The following TARS3 variants were observed in gnomAD, a reference collection of about 807,000 sequenced individuals.
TARS3 encodes threonine--tRNA ligase 2, cytoplasmic.
Under a neutral mutation model 103.5 loss-of-function variants are expected in TARS3, and 94 were observed. That is an observed-to-expected ratio of 0.91 (90% confidence interval 0.77 to 1.08). The LOEUF is 1.08. Among genes scored for constraint, TARS3 ranks in the 50% least tolerant of loss-of-function variants. TARS3 has a pLI of 0.00. For missense variants in TARS3, 952 were observed against 995.2 expected, an observed-to-expected ratio of 0.96 and a Z score of 0.58; for synonymous variants, 416 against 355.4, an observed-to-expected ratio of 1.17 and a Z score of -1.92.
intron 6 of TARS3, among the ~76,000 whole-genome samples, chr15:101,708,393 T>C (rs1899688137): frequency 6.6e-6 from 1 of 151,886 alleles, no homozygotes; most frequent in Non-Finnish European, 1.5e-5. Flanking sequence ...AAAGAGAAAG[T>C]TACTGTTTTA....
In TARS3 at chr15:101,724,132, C is replaced by T. The variant is rs1414882737; in HGVS notation, c.256G>A (p.Glu86Lys). The T allele has an allele frequency of 7.0e-7, 1 of 1,436,782 alleles. No individual in the cohort carries two copies. Among genetic ancestry groups the T allele is most frequent in the Non-Finnish European group, 9.1e-7 (1 of 1,095,424 alleles). The allele number at this position is 1,436,782 out of a possible 1,614,324, so 89.0% of individuals were successfully genotyped here. ...TGCGCCGCCTCTAGCTCCGCGCTCT[C>T]CAGCGTGGCCTGGCGGCTCCGCTCC... ...AEERSRQATL[E>K]SAELEAAQEA... Residue 86 changes from glutamate (E) to lysine (K), a missense_variant, in exon 1 of 19, where the codon GAG becomes AAG. By Grantham distance (56) the Glu-to-Lys change is moderately conservative (BLOSUM62 1). Around this residue, in one of 2 missense-constraint regions of TARS3, gnomAD observed 412 missense variants for 364.2 expected, o/e 1.13. Transcript: ENST00000335968.
rs115815867 is a variant in TARS3 at position 101,712,080 on chromosome 15, T to C, written c.691-79A>G. On this transcript the variant is annotated intron_variant, in intron 4 of 18. Coordinates refer to ENST00000335968, the MANE Select transcript of TARS3 (RefSeq NM_152334.3). ...TTAGTAGTAAAATGATGTAAACCAG[T>C]AGAAAATTTTAAGGAGATACATGGC... 2,202 of 1,470,974 alleles carry C rather than the reference T, an allele frequency of 1.5e-3. 20 individuals are homozygous for C. In the African/African-American group the frequency reaches 0.024, roughly 16 times the overall value. 91.1% of individuals were successfully genotyped at this position (1,470,974 alleles called of 1,614,324 possible). A position where few individuals can be genotyped will look rare whatever the true frequency, so the allele number is the denominator to read the frequency against.
chr15:101,662,875 T>C (rs895554045), intron 15 of TARS3, among the ~76,000 whole-genome samples: 7 of 152,226 alleles, frequency 4.6e-5, no homozygotes, highest in East Asian at 1.9e-4. Context: ...ACATAAACTA[T>C]GATTACACAT....
At chr15:101,668,142 G>C (rs1028058455) in intron 15 of TARS3, among the ~76,000 whole-genome samples, 2 of 152,124 alleles carry the variant, frequency 1.3e-5, no homozygotes, top group Non-Finnish European at 2.9e-5. Flanking sequence ...TCACAACTTG[G>C]GTAACTGGTG....
At chr15:101,720,483 C>T (rs865979008) in intron 3 of TARS3, among the ~76,000 whole-genome samples, 3 of 152,046 alleles carry the variant, frequency 2.0e-5, no homozygotes, top group East Asian at 1.9e-4. Flanking sequence ...ACTTGATTGA[C>T]GAATAAAGTC....
At chr15:101,711,571 T>C (rs539639336) in intron 5 of TARS3, among the ~76,000 whole-genome samples, 10 of 152,334 alleles carry the variant, frequency 6.6e-5, no homozygotes, top group African/African-American at 2.4e-4. Flanking sequence ...TTCTCTTCCT[T>C]ATGATTTTCT....
chr15:101,669,924 T>G (rs1297160161), intron 15 of TARS3, among the ~76,000 whole-genome samples: 3 of 152,250 alleles, frequency 2.0e-5, no homozygotes, highest in Non-Finnish European at 4.4e-5. Context: ...GGCAAGTCGA[T>G]GGTGAAATAG....
intron 10 of TARS3, among the ~76,000 whole-genome samples, chr15:101,687,867 A>G (rs928047266): frequency 5.3e-5 from 8 of 152,158 alleles, no homozygotes; most frequent in South Asian, 2.1e-4. Flanking sequence ...TCTTTCTGCC[A>G]TCTGAGGTTA....
chr15:101,656,291 A>G (rs1333579452), intron 18 of TARS3, among the ~76,000 whole-genome samples: 1 of 152,234 alleles, frequency 6.6e-6, no homozygotes, highest in Non-Finnish European at 1.5e-5. Context: ...GTCAAACATT[A>G]TCATTGAAAC....
intron 5 of TARS3, among the ~76,000 whole-genome samples, chr15:101,710,897 G>A (rs1899831523): frequency 6.6e-6 from 1 of 152,156 alleles, no homozygotes; most frequent in African/African-American, 2.4e-5. Context: ...GCGTGGTGGT[G>A]AAGAGGAGGG....
intron 15 of TARS3, among the ~76,000 whole-genome samples, chr15:101,665,777 A>G (rs1218183290): frequency 6.6e-6 from 1 of 152,234 alleles, no homozygotes; most frequent in Middle Eastern, 3.2e-3. Flanking sequence ...AAGTTTTAAA[A>G]TTTGCTCTTT....
intron 6 of TARS3, among the ~76,000 whole-genome samples, chr15:101,708,014 G>T (rs149693238): frequency 6.6e-6 from 1 of 151,980 alleles, no homozygotes; most frequent in Non-Finnish European, 1.5e-5. Flanking sequence ...GAGGCTGAGG[G>T]GGGTAGATCA....
At chr15:101,676,806 T>A (rs887139514) in intron 12 of TARS3, among the ~76,000 whole-genome samples, 4 of 151,518 alleles carry the variant, frequency 2.6e-5, no homozygotes, top group African/African-American at 9.7e-5. Context: ...TACACCCTTT[T>A]TTTTTTTTTT....
intron 11 of TARS3, 34 bp from the exon 12 acceptor site, chr15:101,684,271 C>A: frequency 6.3e-7 from 1 of 1,586,112 alleles, no homozygotes; most frequent in Non-Finnish European, 8.6e-7. Flanking sequence ...AGCTTTTACA[C>A]AGCACAGAAA....
chr15:101,679,508 A>G (rs939519431), intron 12 of TARS3, among the ~76,000 whole-genome samples: 11 of 151,594 alleles, frequency 7.3e-5, no homozygotes, highest in Non-Finnish European at 1.6e-4. Context: ...CTGACTTTGT[A>G]ATTTTTGTTT....
chr15:101,698,329 T>C (rs868052), intron 10 of TARS3, among the ~76,000 whole-genome samples: 56,840 of 151,692 alleles, frequency 0.37, 11,667 homozygotes, highest in East Asian at 0.81. Context: ...CGAGACTCTG[T>C]CTCAAAGAAA....
intron 10 of TARS3, among the ~76,000 whole-genome samples, chr15:101,694,712 A>G (rs957833938): frequency 2.6e-5 from 4 of 152,284 alleles, no homozygotes; most frequent in African/African-American, 7.2e-5. Context: ...AGGAAAAGAT[A>G]TATCATGCAA....
At chr15:101,694,729 A>G (rs1596310543) in intron 10 of TARS3, among the ~76,000 whole-genome samples, 1 of 152,258 alleles carries the variant, frequency 6.6e-6, no homozygotes, top group East Asian at 1.9e-4. Context: ...GCAAACACTA[A>G]TGTAAGAAAG....
intron 11 of TARS3, among the ~76,000 whole-genome samples, chr15:101,685,412 T>G (rs1898426390): frequency 6.6e-6 from 1 of 152,188 alleles, no homozygotes; most frequent in South Asian, 2.1e-4. Flanking sequence ...TAAATTATGA[T>G]ATAATGCTAA....
Sources: allele counts gnomAD v4.1 joint callset (sites outside exome capture counted in the v4.1 genomes callset), GRCh38; gene constraint gnomAD v4.1.1; regional missense constraint gnomAD v4.1.1; transcripts MANE v1.5; gene names NCBI Gene and HGNC (gene_info 2026-07-23, HGNC 2026-07-21).